Variants in ACSS3 observed in about 807,000 individuals in gnomAD.
ACSS3 encodes the protein acyl-CoA synthetase short chain family member 3.
Under a neutral mutation model 84.2 loss-of-function variants are expected in ACSS3, and 64 were observed. That is an observed-to-expected ratio of 0.76 (90% CI 0.62 to 0.94). ACSS3 has a LOEUF of 0.94. Among genes scored for constraint, ACSS3 ranks in the 40% least tolerant of loss-of-function variants. The pLI is 0.00. For missense variants in ACSS3, 815 were observed against 867.6 expected, an observed-to-expected ratio of 0.94 and a Z score of 0.76; for synonymous variants, 317 against 310.1, an observed-to-expected ratio of 1.02 and a Z score of -0.23.
At chr12:81,169,706 A>G (rs544065511) in intron 7 of ACSS3, among the ~76,000 whole-genome samples, 1 of 152,274 alleles carries the variant, frequency 6.6e-6, no homozygotes, top group East Asian at 1.9e-4. Context: ...ATCCTGGATA[A>G]CTGCTTATGT....
At chr12:81,200,889 CAAA>C (rs35916130) in intron 9 of ACSS3, among the ~76,000 whole-genome samples, 2 of 56,512 alleles carry the variant, frequency 3.5e-5, no homozygotes, top group Non-Finnish European at 3.8e-5. Context: ...GCAAGACTGT[CAAA>C]AAAAAAAAAA....
chr12:81,232,807 ATTC>A (rs2033509952), intron 12 of ACSS3, among the ~76,000 whole-genome samples: 1 of 151,710 alleles, frequency 6.6e-6, no homozygotes, highest in Non-Finnish European at 1.5e-5. Context: ...TATTCTTATT[ATTC>A]TTATTCTACT....
chr12:81,230,636 T>C (rs549011318), intron 11 of ACSS3, among the ~76,000 whole-genome samples: 1 of 151,966 alleles, frequency 6.6e-6, no homozygotes, highest in African/African-American at 2.4e-5. Context: ...AATATTCTAT[T>C]ACACAGAGAG....
intron 9 of ACSS3, among the ~76,000 whole-genome samples, chr12:81,208,302 T>G (rs2032433874): frequency 6.6e-6 from 1 of 152,166 alleles, no homozygotes; most frequent in Non-Finnish European, 1.5e-5. Flanking sequence ...GGAACCACTG[T>G]AAAGGCAGAA....
At chr12:81,254,073 T>C (rs902236632) in intron 15 of ACSS3, among the ~76,000 whole-genome samples, 1 of 152,072 alleles carries the variant, frequency 6.6e-6, no homozygotes, top group Non-Finnish European at 1.5e-5. Context: ...TACAGGTGCA[T>C]GCAACTGTGC....
intron 5 of ACSS3, among the ~76,000 whole-genome samples, chr12:81,147,001 A>G (rs878866031): frequency 1.3e-5 from 2 of 151,360 alleles, no homozygotes; most frequent in South Asian, 4.2e-4. Flanking sequence ...CTGCCCCAGA[A>G]AAAAAAAAGA....
rs573371912 is a variant in ACSS3, at chr12:81,119,052, TAAAGAG to T, written c.456+9355_456+9360del. ...CCTAAGTGTCGGCCGATCTGAGAAA[TAAAGAG>T]AAAGAGTACAAAGAGAGGAATTTTA... On this transcript the variant is annotated intron_variant, in intron 2 of 15. Coordinates refer to ENST00000548058, the MANE Select transcript of ACSS3 (RefSeq NM_024560.4). Among the ~76,000 whole-genome samples, 27 of 152,070 alleles carry T rather than the reference TAAAGAG, an allele frequency of 1.8e-4. No homozygotes were observed. The South Asian group carries it at 2.9e-3, about 16-fold the overall frequency.
chr12:81,178,709 G>A (rs908207890), intron 8 of ACSS3, among the ~76,000 whole-genome samples: 2 of 152,128 alleles, frequency 1.3e-5, no homozygotes, highest in East Asian at 3.9e-4. Context: ...TTGTAAAAAT[G>A]GTCATACTGT....
chr12:81,226,467 A>G (rs1264381584), intron 11 of ACSS3, among the ~76,000 whole-genome samples: 2 of 151,868 alleles, frequency 1.3e-5, no homozygotes, highest in Non-Finnish European at 2.9e-5. Context: ...TGAGCATATC[A>G]ATATATCCAC....
chr12:81,203,642 G>T (rs2032209968), intron 9 of ACSS3, among the ~76,000 whole-genome samples: 1 of 152,038 alleles, frequency 6.6e-6, no homozygotes, highest in African/African-American at 2.4e-5. Flanking sequence ...TTTTAATAAA[G>T]AATTGTTGTT....
chr12:81,185,110 A>G (rs138849873), intron 8 of ACSS3, among the ~76,000 whole-genome samples: 49 of 151,962 alleles, frequency 3.2e-4, no homozygotes, highest in Non-Finnish European at 5.6e-4. Context: ...TCACATTAAC[A>G]GGATCATCAT....
intron 3 of ACSS3, among the ~76,000 whole-genome samples, chr12:81,138,311 T>C (rs1337194312): frequency 6.6e-6 from 1 of 152,200 alleles, no homozygotes; most frequent in Non-Finnish European, 1.5e-5. Context: ...GTGCTAGGTA[T>C]AGGAAACACA....
At chr12:81,203,011 T>C (rs868561726) in intron 9 of ACSS3, among the ~76,000 whole-genome samples, 2 of 152,110 alleles carry the variant, frequency 1.3e-5, no homozygotes, top group Non-Finnish European at 2.9e-5. Context: ...ATCTGCAAGT[T>C]TGAGACCCTG....
At chr12:81,175,261 G>A (rs2030390209) in intron 8 of ACSS3, among the ~76,000 whole-genome samples, 1 of 152,088 alleles carries the variant, frequency 6.6e-6, no homozygotes, top group African/African-American at 2.4e-5. Flanking sequence ...GGATACAGAT[G>A]TACTAACATC....
At chr12:81,190,009 A>G (rs1238804312) in intron 8 of ACSS3, among the ~76,000 whole-genome samples, 2 of 152,094 alleles carry the variant, frequency 1.3e-5, no homozygotes, top group South Asian at 2.1e-4. Flanking sequence ...TCTTGATTCT[A>G]TTCTGTTCCA....
rs559815322 is a variant in ACSS3, at chr12:81,146,183, TAAC to T, written c.921+2938_921+2940del. On this transcript the variant is annotated intron_variant, in intron 5 of 15. Coordinates refer to ENST00000548058, the MANE Select transcript of ACSS3 (RefSeq NM_024560.4). Reference sequence around the variant, plus strand: ...ATCCTTTTTGGATCCACTGTAGCACTAACATTAAAATTTGACCCAGGTAGAGCA... The same window carrying T: ...ATCCTTTTTGGATCCACTGTAGCACTATTAAAATTTGACCCAGGTAGAGCA... Among the ~76,000 whole-genome samples the T allele has an allele frequency of 7.9e-5, 12 of 152,324 alleles. No individual in the cohort carries two copies. In the East Asian group the frequency reaches 2.3e-3, roughly 29 times the overall value.
At chr12:81,254,112 A>G (rs779969875) in intron 15 of ACSS3, among the ~76,000 whole-genome samples, 2 of 151,940 alleles carry the variant, frequency 1.3e-5, no homozygotes, top group African/African-American at 2.4e-5. Flanking sequence ...TTGTATTTAT[A>G]GAGGTAGTGT....
rs1336556374 is a variant in ACSS3 at position 81,253,606 on chromosome 12, A to G, written c.1931A>G (p.Lys644Arg). The change falls in exon 15 of 16, where the codon AAA (lysine) becomes AGA (arginine). Residue 644 changes from lysine (K) to arginine (R), a missense_variant. Physicochemically the swap from Lys to Arg is conservative, Grantham distance 26. Coordinates refer to ENST00000548058, the MANE Select transcript of ACSS3 (RefSeq NM_024560.4). Reference sequence around the variant, plus strand: ...GCAGTGTTTGTCAAACAGCTACCCAAAACCAGATCTGGCAAGATCCCCCGA... The same window carrying G: ...GCAGTGTTTGTCAAACAGCTACCCAGAACCAGATCTGGCAAGATCCCCCGA... ...RNAVFVKQLP[K>R]TRSGKIPRSA... The G allele has an allele frequency of 6.2e-7, 1 of 1,613,996 alleles. No homozygotes were observed. The highest frequency in any genetic ancestry group is 8.5e-7 in the Non-Finnish European group (1 of 1,179,926).
At chr12:81,134,233 T>C (rs1167333838) in intron 2 of ACSS3, among the ~76,000 whole-genome samples, 2 of 152,194 alleles carry the variant, frequency 1.3e-5, no homozygotes, top group African/African-American at 4.8e-5. Flanking sequence ...GCTAGTTCTC[T>C]GACCTTGGTT....
Sources: allele counts gnomAD v4.1 joint callset (sites outside exome capture counted in the v4.1 genomes callset), GRCh38; gene constraint gnomAD v4.1.1; transcripts MANE v1.5; gene names NCBI Gene and HGNC (gene_info 2026-07-23, HGNC 2026-07-21).